The following TMEM156 variants were observed in gnomAD, a reference collection of about 807,000 sequenced individuals.
The protein encoded by TMEM156 is transmembrane protein 156.
A neutral mutation model predicts 30.5 loss-of-function variants in TMEM156; 28 were observed. That is an observed-to-expected ratio of 0.92 (90% CI 0.68 to 1.26). TMEM156 has a LOEUF of 1.26. Among genes scored for constraint, TMEM156 ranks in the 50% most tolerant of loss-of-function variants. The pLI is 0.00. For missense variants in TMEM156, 351 were observed against 340.6 expected, an observed-to-expected ratio of 1.03 and a Z score of -0.24; for synonymous variants, 137 against 119.9, an observed-to-expected ratio of 1.14 and a Z score of -0.93.
At chr4:38,979,005 C>G (rs990769441) in intron 5 of TMEM156, among the ~76,000 whole-genome samples, 1 of 152,204 alleles carries the variant, frequency 6.6e-6, no homozygotes, top group African/African-American at 2.4e-5. Flanking sequence ...TTTGACTTCC[C>G]ACACGGATCT....
intron 3 of TMEM156, among the ~76,000 whole-genome samples, chr4:38,992,535 T>A (rs77720740): frequency 0.026 from 3,884 of 150,990 alleles, 178 homozygotes; most frequent in African/African-American, 0.088. Flanking sequence ...AGGTGCCTAA[T>A]CTGTACCTCA....
Position 38,998,757 on chromosome 4 carries a change from G to T in TMEM156, c.241C>A (p.Arg81Ser), listed in dbSNP as rs13118782. Reference sequence around the variant, plus strand: ...TCTTGGCAAGTCCTGGTGAAGTTACGAAAATTGGAGGGATTTAGAAAGATT... The same window carrying T: ...TCTTGGCAAGTCCTGGTGAAGTTACTAAAATTGGAGGGATTTAGAAAGATT... ...MRIFLNPSNF[R>S]NFTRTCQDIT... The change falls in exon 2 of 7, where the codon CGT becomes AGT. Residue 81 changes from arginine to serine, a missense_variant. Transcript: ENST00000381938. The T allele has an allele frequency of 6.2e-7, 1 of 1,613,832 alleles. No homozygotes were observed. Among genetic ancestry groups the T allele is most frequent in the South Asian group, 1.1e-5 (1 of 91,072 alleles).
At position 39,024,979 on chromosome 4, in the gene TMEM156, T is replaced by C. The variant is rs143469718; in HGVS notation, c.88+7247A>G. 3.4e-3 allele frequency among the ~76,000 whole-genome samples: 518 copies of C among 152,292 alleles called. 1 individual carries two copies. The highest frequency in any genetic ancestry group is 0.012 in the African/African-American group (480 of 41,554). On this transcript the variant is annotated intron_variant, in intron 1 of 6. Coordinates refer to ENST00000381938, the MANE Select transcript of TMEM156 (RefSeq NM_024943.3). ...AGCTGTCAGGATAGGAGAAACCTTA[T>C]GGTTTAGCTGCCTAATTTACAGAGA...
At chr4:38,997,103 G>A (rs1192080111) in intron 2 of TMEM156, among the ~76,000 whole-genome samples, 2 of 152,208 alleles carry the variant, frequency 1.3e-5, no homozygotes, top group African/African-American at 2.4e-5. Flanking sequence ...GTGTCAATGT[G>A]CTGTTTTCAC....
chr4:38,992,722 A>AT (rs1712595003), intron 3 of TMEM156, among the ~76,000 whole-genome samples: 2 of 50,872 alleles, frequency 3.9e-5, no homozygotes, highest in African/African-American at 6.2e-5. Context: ...TTATATATAT[A>AT]TAATATATAT....
At chr4:38,976,425 C>A (rs932362558) in intron 5 of TMEM156, among the ~76,000 whole-genome samples, 12 of 152,074 alleles carry the variant, frequency 7.9e-5, no homozygotes, top group Non-Finnish European at 1.5e-5. Flanking sequence ...ATGCCAAGGC[C>A]CTCCGTACAC....
At chr4:38,979,867 G>A (rs909271936) in intron 5 of TMEM156, among the ~76,000 whole-genome samples, 3 of 152,158 alleles carry the variant, frequency 2.0e-5, no homozygotes, top group African/African-American at 7.2e-5. Flanking sequence ...AAACCTTCCA[G>A]TCTTAATTAT....
At chr4:38,992,657 A>G (rs1200564497) in intron 3 of TMEM156, among the ~76,000 whole-genome samples, 7 of 127,784 alleles carry the variant, frequency 5.5e-5, no homozygotes, top group African/African-American at 2.1e-4. Context: ...GCATATCACA[A>G]TGTGCTACAT....
At chr4:38,990,497 G>A (rs537032122) in intron 3 of TMEM156, among the ~76,000 whole-genome samples, 1 of 152,300 alleles carries the variant, frequency 6.6e-6, no homozygotes, top group East Asian at 1.9e-4. Flanking sequence ...CACTGATAAA[G>A]CTATGGAAAC....
intron 2 of TMEM156, among the ~76,000 whole-genome samples, 188 bp from the exon 3 acceptor site, chr4:38,994,186 G>A (rs1398878433): frequency 6.6e-6 from 1 of 152,098 alleles, no homozygotes; most frequent in Admixed American, 6.6e-5. Flanking sequence ...GTGCAGTGGC[G>A]TAATCATGGC....
rs1187576390 is a variant in TMEM156 at position 38,967,302 on chromosome 4, G to A, written c.*378C>T. The A allele has an allele frequency of 1.3e-5, 2 of 152,144 alleles. No individual in the cohort carries two copies. The highest frequency in any genetic ancestry group is 1.5e-5 in the Non-Finnish European group (1 of 68,020). 9.4% of individuals were successfully genotyped at this position (152,144 alleles called of 1,614,324 possible). On this transcript the variant is annotated 3_prime_UTR_variant, in exon 7 of 7. Coordinates refer to ENST00000381938, the MANE Select transcript of TMEM156 (RefSeq NM_024943.3). Reference sequence around the variant, plus strand: ...AGAAAGGGTTTTCATATTTGATCCTGTTTTTGGTTCCTCAAAATTAAAAAC... The same window carrying A: ...AGAAAGGGTTTTCATATTTGATCCTATTTTTGGTTCCTCAAAATTAAAAAC...
intron 1 of TMEM156, among the ~76,000 whole-genome samples, chr4:39,015,885 T>C (rs1386171492): frequency 6.6e-6 from 1 of 152,138 alleles, no homozygotes; most frequent in Admixed American, 6.5e-5. Flanking sequence ...TCATTCCCTC[T>C]TTGCCTGCCA....
At position 38,993,740 on chromosome 4, in the gene TMEM156, T is replaced by C; in HGVS notation, c.617A>G (p.Lys206Arg). The C allele has an allele frequency of 6.2e-7, 1 of 1,611,094 alleles. No homozygotes were observed. The highest frequency in any genetic ancestry group is 2.2e-5 in the East Asian group (1 of 44,828). ...HISLHLEMDI[K>R]NITCSMKITW... ...CTTTAGTTTCCTTAAAAACTTACTT[T>C]TTATATCCATCTCTAGGTGCAAAGA... Residue 206 changes from lysine to arginine, a missense_variant and splice_region_variant, in exon 3 of 7, where the codon AAA becomes AGA. By Grantham distance (26) the Lys-to-Arg change is conservative (BLOSUM62 2). Coordinates refer to ENST00000381938, the MANE Select transcript of TMEM156 (RefSeq NM_024943.3).
At chr4:38,992,709 A>AT (rs60131362) in intron 3 of TMEM156, among the ~76,000 whole-genome samples, 479 of 44,234 alleles carry the variant, frequency 0.011, 5 homozygotes, top group African/African-American at 0.026. Context: ...TAATATATAT[A>AT]TATTATATAT....
At chr4:38,972,716 C>T (rs535985354) in intron 5 of TMEM156, among the ~76,000 whole-genome samples, 62 of 152,254 alleles carry the variant, frequency 4.1e-4, no homozygotes, top group African/African-American at 1.3e-3. Context: ...TGTGTAAGCG[C>T]CAGCCGTTTG....
chr4:39,017,753 C>T (rs1408102956), intron 1 of TMEM156, among the ~76,000 whole-genome samples: 1 of 152,110 alleles, frequency 6.6e-6, no homozygotes. Context: ...ATCCATATAT[C>T]CTGACCTTCT....
chr4:38,980,967 T>C (rs1309825938), intron 5 of TMEM156: 6 of 985,070 alleles, frequency 6.1e-6, no homozygotes, highest in Admixed American at 6.1e-5. Flanking sequence ...ATTCCGCCTA[T>C]AGATTCTTCA....
chr4:39,017,171 CTTTTTTTT>C (rs1159565890), intron 1 of TMEM156, among the ~76,000 whole-genome samples: 2 of 91,290 alleles, frequency 2.2e-5, no homozygotes, highest in African/African-American at 8.9e-5. Flanking sequence ...TGTATTTCTT[CTTTTTTTT>C]TTTTTTTTTT....
intron 1 of TMEM156, among the ~76,000 whole-genome samples, chr4:39,021,233 T>C (rs2110055426): frequency 6.6e-6 from 1 of 152,040 alleles, no homozygotes; most frequent in African/African-American, 2.4e-5. Flanking sequence ...TGAGACCCCG[T>C]CTCTACAAAA....
Sources: allele counts gnomAD v4.1 joint callset (sites outside exome capture counted in the v4.1 genomes callset), GRCh38; gene constraint gnomAD v4.1.1; transcripts MANE v1.5; gene names NCBI Gene and HGNC (gene_info 2026-07-23, HGNC 2026-07-21).